E2F8: variants seen among roughly 807,000 people sequenced by gnomAD.
E2F8 encodes E2F transcription factor 8, also known as transcription factor E2F8.
Under a neutral mutation model 80.8 loss-of-function variants are expected in E2F8, and 35 were observed. The observed-to-expected ratio is 0.43, with a 90% CI of 0.33 to 0.57. The LOEUF is 0.57. Ranked by LOEUF, E2F8 falls within the 20% of genes least tolerant of loss-of-function variation. E2F8 has a pLI of 0.04. For missense variants in E2F8, 975 were observed against 1,056.2 expected (o/e 0.92, Z 1.07); for synonymous variants, 386 against 395.0 (o/e 0.98, Z 0.27).
chr11:19,230,629 AC>A lies in E2F8; in HGVS notation c.1270+1del, dbSNP rs1429370540. 1.9e-6 allele frequency: 3 copies of A among 1,613,656 alleles called. No individual in the cohort carries two copies. Among genetic ancestry groups the A allele is most frequent in the Non-Finnish European group, 1.7e-6 (2 of 1,179,764 alleles). ...AGATCCCTGACATTCCTGAAAACAT[AC>A]CTTTGTTGGTCTTGATAGGGCTACT... is the stretch of plus-strand genomic sequence containing the variant. On this transcript the variant is annotated splice_donor_variant, in intron 8 of 12. Transcript: ENST00000250024. LOFTEE classifies it high-confidence loss of function.
intron 4 of E2F8, among the ~76,000 whole-genome samples, chr11:19,236,619 A>G (rs1272400220): frequency 6.6e-6 from 1 of 152,256 alleles, no homozygotes; most frequent in Non-Finnish European, 1.5e-5. Flanking sequence ...AAAATGTGAA[A>G]TAAAGTTGAT....
Position 19,225,740 on chromosome 11 carries a change from G to A in E2F8, c.2018C>T (p.Pro673Leu), listed in dbSNP as rs148337173. Residue 673 changes from proline to leucine, a missense_variant, in exon 11 of 13, where the codon CCA (proline) becomes CTA (leucine). Pro to Leu is a moderately conservative substitution (Grantham distance 98, BLOSUM62 -3). Coordinates refer to ENST00000250024, the MANE Select transcript of E2F8 (RefSeq NM_024680.4). Reference sequence around the variant, plus strand: ...GTTTTATGTGCACTCACCTGCAATTGGGGAGCTGTAAATCCTGTGGTTTGG... The same window carrying A: ...GTTTTATGTGCACTCACCTGCAATTAGGGAGCTGTAAATCCTGTGGTTTGG... ...LSPNHRIYSS[P>L]IAGVIPVTSS... 4 of 1,614,150 alleles carry A rather than the reference G, an allele frequency of 2.5e-6. No individual in the cohort carries two copies. The highest frequency in any genetic ancestry group is 3.3e-4 in the Middle Eastern group (2 of 6,062).
chr11:19,225,808 T>A lies in E2F8; in HGVS notation c.1950A>T (p.Ala650=), dbSNP rs1325961767. 2.5e-6 allele frequency: 4 copies of A among 1,614,094 alleles called. No individual in the cohort carries two copies. The highest frequency in any genetic ancestry group is 3.4e-6 in the Non-Finnish European group (4 of 1,180,004). ...TTTCTTTACCAGACAAAATGGACTCTGCCCCCAGGGATGAGCACTGCGTGA... is the reference window on the plus strand; with the variant it reads ...TTTCTTTACCAGACAAAATGGACTCAGCCCCCAGGGATGAGCACTGCGTGA... ...IPLTQCSSLG[A]ESILSGKENS... Residue 650 remains alanine (A), a synonymous_variant, in exon 11 of 13, where the codon GCA becomes GCT. Coordinates refer to ENST00000250024, the MANE Select transcript of E2F8 (RefSeq NM_024680.4).
chr11:19,239,056 T>C (rs369591242), intron 2 of E2F8, among the ~76,000 whole-genome samples: 14 of 152,352 alleles, frequency 9.2e-5, no homozygotes, highest in African/African-American at 3.1e-4. Flanking sequence ...CATCTTTATC[T>C]ATTTTAAAGA....
upstream of E2F8, among the ~76,000 whole-genome samples, chr11:19,241,175 C>A (rs1851654262): frequency 6.6e-6 from 1 of 152,236 alleles, no homozygotes; most frequent in African/African-American, 2.4e-5. This position sits in a 1 kb window ranked among gnomAD's most constrained non-coding sequence, Gnocchi z 4.5. Context: ...CCGGCGCCTC[C>A]CCTTAGCTGC....
At chr11:19,233,289 C>T in intron 6 of E2F8, among the ~76,000 whole-genome samples, 1 of 152,100 alleles carries the variant, frequency 6.6e-6, no homozygotes, top group South Asian at 2.1e-4. Context: ...ATCTACAGTC[C>T]CTTCCCAATT....
At position 19,229,846 on chromosome 11, in the gene E2F8, G is replaced by A. The variant is rs1386852519; in HGVS notation, c.1501C>T (p.Pro501Ser). The A allele has an allele frequency of 1.2e-6, 2 of 1,613,988 alleles. No homozygotes were observed. The highest frequency in any genetic ancestry group is 3.3e-5 in the Admixed American group (2 of 60,024). Residue 501 changes from proline to serine, a missense_variant, in exon 10 of 13, where the codon CCC (proline) becomes TCC (serine). Coordinates refer to ENST00000250024, the MANE Select transcript of E2F8 (RefSeq NM_024680.4). The surrounding 1 kb of genome is among the most constrained non-coding windows in gnomAD (Gnocchi z 4.3). The part of the protein sequence containing the change: ...IQPLGMVPLI[P>S]SPLSSAVPLI... ...GGCACTGCTGATGACAAGGGGCTGG[G>A]GATCAGGGGAACCATTCCCAGGGGC...
Position 19,237,344 on chromosome 11 carries a change from T to C in E2F8, c.421A>G (p.Ile141Val). 2 of 1,614,202 alleles carry C rather than the reference T, an allele frequency of 1.2e-6. No homozygotes were observed. Among genetic ancestry groups the C allele is most frequent in the Non-Finnish European group, 8.5e-7 (1 of 1,180,026 alleles). The change falls in exon 4 of 13, where the codon ATC (isoleucine) becomes GTC (valine). Residue 141 changes from isoleucine to valine, a missense_variant. Physicochemically the swap from Ile to Val is conservative, Grantham distance 29 (BLOSUM62 3). Coordinates refer to ENST00000250024, the MANE Select transcript of E2F8 (RefSeq NM_024680.4). ...TCCTCTGCCACTTCGTCAAGGCAGA[T>C]GTCATTATTCACAGCAGGGTTGGGA... is the stretch of plus-strand genomic sequence containing the variant. Reference protein sequence around the residue: ...NYPNPAVNNDICLDEVAEELN... With the variant: ...NYPNPAVNNDVCLDEVAEELN...
intron 10 of E2F8, 193 bp from the exon 11 acceptor site, chr11:19,226,057 C>G: frequency 3.3e-6 from 2 of 607,028 alleles, no homozygotes; most frequent in Non-Finnish European, 5.7e-6. Context: ...ATGCTTGCCC[C>G]GAATAATGCA....
chr11:19,234,901 G>A lies in E2F8; in HGVS notation c.609C>T (p.Ala203=), dbSNP rs765528177. 5 of 1,614,066 alleles carry A rather than the reference G, an allele frequency of 3.1e-6. No homozygotes were observed. The highest frequency in any genetic ancestry group is 4.2e-6 in the Non-Finnish European group (5 of 1,180,024). The change falls in exon 5 of 13, where the codon GCC becomes GCT. Residue 203 remains alanine, a synonymous_variant. Coordinates refer to ENST00000250024, the MANE Select transcript of E2F8 (RefSeq NM_024680.4). ...TCTTTTTGATCATCATAATCTGCTC[G>A]GCGTACTTATTCTCCTCCCCGATGC... ...LKSIGEENKY[A]EQIMMIKKKE... is the part of the protein sequence containing the mutation.
In E2F8 at chr11:19,229,724, G is replaced by A. The variant is rs769072536; in HGVS notation, c.1623C>T (p.Ser541=). ...HQSVTPPQGL[S]PTVCTTHSSK... ...AAGAGTGGGTGGTGCACACCGTTGG[G>A]CTCAGGCCTTGGGGTGGCGTCACAC... Residue 541 remains serine, a synonymous_variant, in exon 10 of 13, where the codon AGC becomes AGT. Coordinates refer to ENST00000250024, the MANE Select transcript of E2F8 (RefSeq NM_024680.4). The surrounding 1 kb of genome is among the most constrained non-coding windows in gnomAD (Gnocchi z 4.3). 6.2e-7 allele frequency: 1 copy of A among 1,614,200 alleles called. No individual in the cohort carries two copies. Among genetic ancestry groups the A allele is most frequent in the South Asian group, 1.1e-5 (1 of 91,074 alleles).
At chr11:19,239,589 C>A (rs1024612365) in intron 2 of E2F8, among the ~76,000 whole-genome samples, 1 of 151,798 alleles carries the variant, frequency 6.6e-6, no homozygotes, top group African/African-American at 2.4e-5. Context: ...AAAAAATTAT[C>A]TTAAAAAGAA....
chr11:19,234,898 C>A lies in E2F8; in HGVS notation c.612G>T (p.Glu204Asp). The A allele has an allele frequency of 6.2e-7, 1 of 1,614,168 alleles. No homozygotes were observed. Among genetic ancestry groups the A allele is most frequent in the South Asian group, 1.1e-5 (1 of 91,086 alleles). The change falls in exon 5 of 13, where the codon GAG (glutamate) becomes GAT (aspartate). Residue 204 changes from glutamate to aspartate, a missense_variant. Glu to Asp is a conservative substitution (Grantham distance 45). Transcript: ENST00000250024. ...CTTTCTTTTTGATCATCATAATCTG[C>A]TCGGCGTACTTATTCTCCTCCCCGA... ...KSIGEENKYA[E>D]QIMMIKKKEY...
chr11:19,235,105 TAGAA>T (rs763785666), intron 4 of E2F8, 47 bp from the exon 5 acceptor site: 2 of 1,484,236 alleles, frequency 1.3e-6, no homozygotes, highest in Admixed American at 4.6e-5. Context: ...GTAACGTGTT[TAGAA>T]TTGAATAGCT....
At position 19,237,461 on chromosome 11, in the gene E2F8, A is replaced by G. The variant is rs755752277; in HGVS notation, c.304T>C (p.Ser102Pro). 5 of 1,613,070 alleles carry G rather than the reference A, an allele frequency of 3.1e-6. No homozygotes were observed. The highest frequency in any genetic ancestry group is 1.1e-5 in the South Asian group (1 of 90,942). Reference protein sequence around the residue: ...EAKDCIHEHLSGDEFEKSQPS... With the variant: ...EAKDCIHEHLPGDEFEKSQPS... ...TGGGATTTCTCAAATTCATCTCCAG[A>G]TAAGTGTTCCTACAAAGGAAAAGGT... Residue 102 changes from serine (S) to proline (P), a missense_variant, in exon 4 of 13, where the codon TCT becomes CCT. Coordinates refer to ENST00000250024, the MANE Select transcript of E2F8 (RefSeq NM_024680.4).
chr11:19,240,249 T>C lies in E2F8; in HGVS notation c.-109-19A>G. 3.9e-6 allele frequency: 2 copies of C among 507,556 alleles called. No individual in the cohort carries two copies. Among genetic ancestry groups the C allele is most frequent in the East Asian group, 3.3e-5 (1 of 29,972 alleles). The allele number at this position is 507,556 out of a possible 1,614,324, so 31.4% of individuals were successfully genotyped here. A position where few individuals can be genotyped will look rare whatever the true frequency, so the allele number is the denominator to read the frequency against. Reference sequence around the variant, plus strand: ...TAATATCCTTAAAGAAAAAAGGAAATAGAAAAAGTTAGAGAAAAACAAGAA... The same window carrying C: ...TAATATCCTTAAAGAAAAAAGGAAACAGAAAAAGTTAGAGAAAAACAAGAA... On this transcript the variant is annotated intron_variant, in intron 1 of 12. Coordinates refer to ENST00000250024, the MANE Select transcript of E2F8 (RefSeq NM_024680.4).
chr11:19,234,100 A>C (rs1380454499), intron 6 of E2F8, among the ~76,000 whole-genome samples: 1 of 146,126 alleles, frequency 6.8e-6, no homozygotes, highest in Non-Finnish European at 1.5e-5. Context: ...GTGAGCCTAG[A>C]TCTCGCCACT....
At chr11:19,239,807 A>G (rs1851613355) in intron 2 of E2F8, among the ~76,000 whole-genome samples, 1 of 151,338 alleles carries the variant, frequency 6.6e-6, no homozygotes, top group Non-Finnish European at 1.5e-5. Context: ...TAGTTTCATT[A>G]CAACATTTCT....
At position 19,238,004 on chromosome 11, in the gene E2F8, G is replaced by C. The variant is rs1195786785; in HGVS notation, c.144C>G (p.Pro48=). The change falls in exon 3 of 13, where the codon CCC becomes CCG. Residue 48 remains proline (P), a synonymous_variant. Coordinates refer to ENST00000250024, the MANE Select transcript of E2F8 (RefSeq NM_024680.4). ...ACGGCTCTCCCTGAGAGCCTTCCTT[G>C]GGCTTGGTAGGTGTGGTTAAAGGGC... The part of the protein sequence containing the change: ...DFGPLTTPTK[P]KEGSQGEPWT... The C allele has an allele frequency of 3.7e-6, 6 of 1,614,134 alleles. No individual in the cohort carries two copies. Among genetic ancestry groups the C allele is most frequent in the Non-Finnish European group, 5.1e-6 (6 of 1,180,032 alleles).
Sources: allele counts gnomAD v4.1 joint callset (sites outside exome capture counted in the v4.1 genomes callset), GRCh38; gene constraint gnomAD v4.1.1; non-coding constraint Gnocchi (gnomAD v3.1); transcripts MANE v1.5; gene names NCBI Gene and HGNC (gene_info 2026-07-23, HGNC 2026-07-21).